Variants in LRRC49 observed in about 807,000 individuals in gnomAD.
The protein encoded by LRRC49 is leucine-rich repeat-containing protein 49.
Under a neutral mutation model 83.3 loss-of-function variants are expected in LRRC49, and 50 were observed. The ratio of observed to expected loss-of-function variants is 0.60; its 90% CI spans 0.48 to 0.76. The LOEUF (loss-of-function observed/expected upper bound fraction) is 0.76. LRRC49 is among the 30% of genes least tolerant of loss of function. The probability of loss-of-function intolerance (pLI) is 0.00; values close to 1 mark genes in which losing one functional copy is unlikely to be tolerated. For missense variants in LRRC49, 704 were observed against 809.1 expected (o/e 0.87, Z 1.58); for synonymous variants, 286 against 283.3 (o/e 1.01, Z -0.10).
At chr15:70,912,838 G>A (rs899638084) in intron 6 of LRRC49, among the ~76,000 whole-genome samples, 2 of 151,762 alleles carry the variant, frequency 1.3e-5, no homozygotes, top group Non-Finnish European at 2.9e-5. Flanking sequence ...CACCATACCC[G>A]GCTAATTTTT....
chr15:71,022,549 A>G (rs543091679), intron 14 of LRRC49, among the ~76,000 whole-genome samples: 1 of 152,346 alleles, frequency 6.6e-6, no homozygotes, highest in Non-Finnish European at 1.5e-5. Flanking sequence ...TGGAGTAGCT[A>G]TTGAGGACTC....
At chr15:70,873,255 G>T in intron 2 of LRRC49, 1 of 1,533,460 alleles carries the variant, frequency 6.5e-7, no homozygotes, top group Non-Finnish European at 8.7e-7. Context: ...ACATAATTTT[G>T]TATAACAATT....
intron 1 of LRRC49, among the ~76,000 whole-genome samples, chr15:70,864,998 C>G (rs2032880245): frequency 1.3e-5 from 2 of 152,184 alleles, no homozygotes; most frequent in African/African-American, 4.8e-5. Context: ...AGAGTCAACA[C>G]CACCAGCACA....
At chr15:70,975,275 A>C (rs1490438223) in intron 9 of LRRC49, among the ~76,000 whole-genome samples, 1 of 152,222 alleles carries the variant, frequency 6.6e-6, no homozygotes, top group East Asian at 1.9e-4. Flanking sequence ...CTATTCAAAA[A>C]AAGAGAGAAC....
At chr15:70,866,134 T>G (rs1277147603) in intron 1 of LRRC49, among the ~76,000 whole-genome samples, 1 of 150,088 alleles carries the variant, frequency 6.7e-6, no homozygotes, top group Non-Finnish European at 1.5e-5. Flanking sequence ...ATTTATTTAT[T>G]TATTTATTTA....
At chr15:70,912,621 G>A (rs1010540357) in intron 6 of LRRC49, among the ~76,000 whole-genome samples, 1 of 151,598 alleles carries the variant, frequency 6.6e-6, no homozygotes, top group African/African-American at 2.4e-5. Context: ...TCCCAATTAT[G>A]TTCAATTTGT....
intron 1 of LRRC49, among the ~76,000 whole-genome samples, chr15:70,864,426 A>C (rs570898776): frequency 6.6e-6 from 1 of 151,642 alleles, no homozygotes; most frequent in East Asian, 2.0e-4. Context: ...GGAGTTCCCA[A>C]GGGGAGAGGT....
At chr15:71,019,474 G>A (rs1024463045) in intron 14 of LRRC49, among the ~76,000 whole-genome samples, 1 of 152,124 alleles carries the variant, frequency 6.6e-6, no homozygotes, top group African/African-American at 2.4e-5. Context: ...GGCATTTCAA[G>A]GAAACATAAA....
chr15:70,872,614 AC>A (rs1320355767), intron 1 of LRRC49, among the ~76,000 whole-genome samples: 3 of 152,150 alleles, frequency 2.0e-5, no homozygotes, highest in Non-Finnish European at 4.4e-5. Flanking sequence ...AAGTTGTGAT[AC>A]GCTTTAGGGT....
intron 1 of LRRC49, among the ~76,000 whole-genome samples, chr15:70,856,426 A>T (rs1253088360): frequency 1.3e-5 from 2 of 152,110 alleles, no homozygotes; most frequent in Admixed American, 1.3e-4. Flanking sequence ...AGTACCCAAG[A>T]ATGGGTACTC....
At chr15:70,858,881 G>A (rs2141067671) in intron 1 of LRRC49, 1 of 762,372 alleles carries the variant, frequency 1.3e-6, no homozygotes, top group East Asian at 2.4e-5. Flanking sequence ...TGGGTGGTGG[G>A]GCCAGTGGTA....
chr15:70,966,573 T>G (rs1001586344), intron 9 of LRRC49, among the ~76,000 whole-genome samples: 1 of 152,182 alleles, frequency 6.6e-6, no homozygotes, highest in Non-Finnish European at 1.5e-5. Flanking sequence ...ATTCCATTGA[T>G]AAGTAGTTGT....
At chr15:70,856,134 A>G (rs1201138644) in intron 1 of LRRC49, among the ~76,000 whole-genome samples, 2 of 152,166 alleles carry the variant, frequency 1.3e-5, no homozygotes, top group Non-Finnish European at 2.9e-5. Flanking sequence ...ATGCCTGATC[A>G]TAAGAGTCCC....
At chr15:70,891,693 C>A, upstream of LRRC49, 1 of 651,710 alleles carries the variant, frequency 1.5e-6, no homozygotes, top group Non-Finnish European at 2.5e-6. Flanking sequence ...TAAGTGGGAC[C>A]TTGGAGATCA....
At chr15:71,029,451 A>G (rs565056663) in intron 14 of LRRC49, among the ~76,000 whole-genome samples, 11 of 152,248 alleles carry the variant, frequency 7.2e-5, no homozygotes, top group Non-Finnish European at 8.8e-5. Context: ...TATGTGGTCA[A>G]TTTTAGAATT....
intron 9 of LRRC49, among the ~76,000 whole-genome samples, chr15:70,970,979 C>T (rs2036974453): frequency 6.6e-6 from 1 of 152,034 alleles, no homozygotes; most frequent in African/African-American, 2.4e-5. Flanking sequence ...CGTTCTCTAT[C>T]CCCTTCAGTT....
chr15:71,019,930 C>T (rs1335271221), intron 14 of LRRC49, among the ~76,000 whole-genome samples: 1 of 151,976 alleles, frequency 6.6e-6, no homozygotes, highest in African/African-American at 2.4e-5. Context: ...AATAACCAGT[C>T]ACACAAGAAA....
chr15:71,051,985 C>T lies in LRRC49; in HGVS notation c.*2373C>T, dbSNP rs890981361. The T allele has an allele frequency of 2.6e-5, 4 of 152,204 alleles. No individual in the cohort carries two copies. The highest frequency in any genetic ancestry group is 7.2e-5 in the African/African-American group (3 of 41,442). The allele number at this position is 152,204 out of a possible 1,614,324, so 9.4% of individuals were successfully genotyped here. On this transcript the variant is annotated 3_prime_UTR_variant, in exon 16 of 16. Coordinates refer to ENST00000260382, the MANE Select transcript of LRRC49 (RefSeq NM_017691.5). ...TCTACTTCTTGAATCCTTACTTTGT[C>T]GGGTCTCAAACGTCGAATGGCGATC...
Position 70,928,168 on chromosome 15 carries a change from T to C in LRRC49, c.712-8593T>C, listed in dbSNP as rs183389764. 7.2e-5 allele frequency among the ~76,000 whole-genome samples: 11 copies of C among 152,330 alleles called. No homozygotes were observed. The East Asian group carries it at 2.1e-3, about 29-fold the overall frequency. On this transcript the variant is annotated intron_variant, in intron 7 of 15. Transcript: ENST00000260382. ...TCCATCTATTCGTCTACGTAATATATACCAGATCCAGTCACATCTTTAGGC... is the reference window on the plus strand; with the variant it reads ...TCCATCTATTCGTCTACGTAATATACACCAGATCCAGTCACATCTTTAGGC...
Sources: allele counts gnomAD v4.1 joint callset (sites outside exome capture counted in the v4.1 genomes callset), GRCh38; gene constraint gnomAD v4.1.1; transcripts MANE v1.5; gene names NCBI Gene and HGNC (gene_info 2026-07-23, HGNC 2026-07-21).